ZC2HC1B: variants seen among roughly 807,000 people sequenced by gnomAD.
ZC2HC1B encodes zinc finger C2HC domain-containing protein 1B.
In ZC2HC1B, 36 loss-of-function variants were observed where a neutral mutation model predicts 31.0. That is an observed-to-expected ratio of 1.16 (90% CI 0.89 to 1.54). The LOEUF is 1.54. ZC2HC1B is among the 40% of genes most tolerant of loss of function. The pLI, the probability that ZC2HC1B is intolerant of heterozygous loss-of-function variation, is 0.00. For missense variants in ZC2HC1B, 260 were observed against 268.6 expected (o/e 0.97, Z 0.22); for synonymous variants, 73 against 88.0 (o/e 0.83, Z 0.95).
At chr6:143,909,980 G>A (rs1271076429) in intron 6 of ZC2HC1B, among the ~76,000 whole-genome samples, 1 of 151,982 alleles carries the variant, frequency 6.6e-6, no homozygotes, top group Non-Finnish European at 1.5e-5. Flanking sequence ...TCTTGGTTCT[G>A]TAGCTCTTTT....
chr6:143,901,248 T>TC, intron 5 of ZC2HC1B, among the ~76,000 whole-genome samples: 1 of 138,584 alleles, frequency 7.2e-6, no homozygotes, highest in East Asian at 2.1e-4. Flanking sequence ...CTTTCTTTCT[T>TC]CCTTTTTTTT....
chr6:143,877,309 T>C (rs1777420429), intron 1 of ZC2HC1B, among the ~76,000 whole-genome samples: 1 of 113,610 alleles, frequency 8.8e-6, no homozygotes, highest in Admixed American at 9.2e-5. Context: ...TGAGACAGAG[T>C]TTTGCTCTTT....
intron 7 of ZC2HC1B, 148 bp from the exon 8 acceptor site, chr6:143,937,994 A>G (rs1440441042): frequency 3.7e-6 from 1 of 269,214 alleles, no homozygotes; most frequent in Non-Finnish European, 7.0e-6. Context: ...CCCTTTTTCT[A>G]AGCACCTTAC....
At position 143,917,318 on chromosome 6, in the gene ZC2HC1B, G is replaced by A. The variant is rs1016665912; in HGVS notation, c.598+14166G>A. On this transcript the variant is annotated intron_variant, in intron 6 of 7. Transcript: ENST00000237275. The surrounding 1 kb of genome is among the most constrained non-coding windows in gnomAD (Gnocchi z 4.1). Reference sequence around the variant, plus strand: ...TTGTAAATTGCCCAGTCTTGGATATGTCTTTATCAGCAGCATGAAAACAGA... The same window carrying A: ...TTGTAAATTGCCCAGTCTTGGATATATCTTTATCAGCAGCATGAAAACAGA... Among the ~76,000 whole-genome samples, 10 of 152,164 alleles carry A rather than the reference G, an allele frequency of 6.6e-5. No individual in the cohort carries two copies. Among genetic ancestry groups the A allele is most frequent in the African/African-American group, 2.4e-4 (10 of 41,448 alleles).
In ZC2HC1B at chr6:143,871,336, A is replaced by G. The variant is rs1487193185; in HGVS notation, c.28+6769A>G. Among the ~76,000 whole-genome samples the G allele has an allele frequency of 6.6e-6, 1 of 152,218 alleles. No homozygotes were observed. Among genetic ancestry groups the G allele is most frequent in the African/African-American group, 2.4e-5 (1 of 41,452 alleles). ...CTGAATAAGATTATGACACAAAGCC[A>G]AACAGTTAATATACCTCTGAGGTAG... On this transcript the variant is annotated intron_variant, in intron 1 of 7. Transcript: ENST00000237275. The surrounding 1 kb of genome is among the most constrained non-coding windows in gnomAD (Gnocchi z 4.1).
At chr6:143,931,326 G>A (rs1778115929) in intron 6 of ZC2HC1B, among the ~76,000 whole-genome samples, 1 of 152,044 alleles carries the variant, frequency 6.6e-6, no homozygotes, top group African/African-American at 2.4e-5. Context: ...TGAGATGTCA[G>A]GTACTGTTTT....
At position 143,934,499 on chromosome 6, in the gene ZC2HC1B, G is replaced by A. The variant is rs933402762; in HGVS notation, c.599-3150G>A. The stretch of plus-strand genomic sequence containing the variant: ...TGGAGAATTGTATTCCTTTGGAGGA[G>A]TCATATTTTCTTGCATTTTTATGTT... On this transcript the variant is annotated intron_variant, in intron 6 of 7. Transcript: ENST00000237275. The surrounding 1 kb of genome is among the most constrained non-coding windows in gnomAD (Gnocchi z 4.6). Among the ~76,000 whole-genome samples, 4 of 152,160 alleles carry A rather than the reference G, an allele frequency of 2.6e-5. No homozygotes were observed. The highest frequency in any genetic ancestry group is 4.8e-5 in the African/African-American group (2 of 41,428).
chr6:143,889,058 GA>G (rs1777565881), intron 4 of ZC2HC1B, among the ~76,000 whole-genome samples: 1 of 151,964 alleles, frequency 6.6e-6, no homozygotes, highest in African/African-American at 2.4e-5. Flanking sequence ...ACATGGAAGT[GA>G]AATGTATGAA....
rs142116391 is a variant in ZC2HC1B, at chr6:143,868,423, G to A, written c.28+3856G>A. Among the ~76,000 whole-genome samples, 20 of 152,208 alleles carry A rather than the reference G, an allele frequency of 1.3e-4. No individual in the cohort carries two copies. In the East Asian group the frequency reaches 3.9e-3, roughly 29 times the overall value. ...AGGGCAGGAAGCATCCAGCACAGGA[G>A]AAAGATGTAGGCTGGGAGGCTAGGC... is the stretch of plus-strand genomic sequence containing the variant. On this transcript the variant is annotated intron_variant, in intron 1 of 7. Transcript: ENST00000237275. The surrounding 1 kb of genome is among the most constrained non-coding windows in gnomAD (Gnocchi z 4.2).
rs1777879786 is a variant in ZC2HC1B, at chr6:143,913,119, C to T, written c.598+9967C>T. Among the ~76,000 whole-genome samples the T allele has an allele frequency of 6.6e-6, 1 of 152,244 alleles. No individual in the cohort carries two copies. The highest frequency in any genetic ancestry group is 2.4e-5 in the African/African-American group (1 of 41,466). Reference sequence around the variant, plus strand: ...CAGAACAGCTAAGTCATCCAACCAACCCAGGTGACAGCCCTCCCCTCCTCT... The same window carrying T: ...CAGAACAGCTAAGTCATCCAACCAATCCAGGTGACAGCCCTCCCCTCCTCT... On this transcript the variant is annotated intron_variant, in intron 6 of 7. Coordinates refer to ENST00000237275, the MANE Select transcript of ZC2HC1B (RefSeq NM_001013623.3). The surrounding 1 kb of genome is among the most constrained non-coding windows in gnomAD (Gnocchi z 5.7).
At chr6:143,904,076 A>C (rs918097464) in intron 6 of ZC2HC1B, among the ~76,000 whole-genome samples, 1 of 152,200 alleles carries the variant, frequency 6.6e-6, no homozygotes, top group African/African-American at 2.4e-5. Flanking sequence ...TAATTTGCAT[A>C]TCTCTAATGA....
In ZC2HC1B at chr6:143,887,054, C is replaced by G. The variant is rs920495361; in HGVS notation, c.349+233C>G. On this transcript the variant is annotated intron_variant, in intron 4 of 7. Transcript: ENST00000237275. The surrounding 1 kb of genome is among the most constrained non-coding windows in gnomAD (Gnocchi z 5.1). ...GCTGTGCTGTAGTATTACATGACTCCAAGAAACACCAGACACCTCTTAGCC... is the reference window on the plus strand; with the variant it reads ...GCTGTGCTGTAGTATTACATGACTCGAAGAAACACCAGACACCTCTTAGCC... Among the ~76,000 whole-genome samples, 2 of 152,102 alleles carry G rather than the reference C, an allele frequency of 1.3e-5. No homozygotes were observed. Among genetic ancestry groups the G allele is most frequent in the Non-Finnish European group, 2.9e-5 (2 of 68,028 alleles).
chr6:143,915,237 A>G lies in ZC2HC1B; in HGVS notation c.598+12085A>G, dbSNP rs1312784902. On this transcript the variant is annotated intron_variant, in intron 6 of 7. Coordinates refer to ENST00000237275, the MANE Select transcript of ZC2HC1B (RefSeq NM_001013623.3). The surrounding 1 kb of genome is among the most constrained non-coding windows in gnomAD (Gnocchi z 5.2). ...AAGTCTCACGAGATCTGATGGTTTT[A>G]AAAAGAGGAGTTCCCCTGCACAATC... Among the ~76,000 whole-genome samples, 1 of 152,136 alleles carries G rather than the reference A, an allele frequency of 6.6e-6. No homozygotes were observed. The highest frequency in any genetic ancestry group is 1.5e-5 in the Non-Finnish European group (1 of 68,020).
rs760273947 is a variant in ZC2HC1B, at chr6:143,869,414, A to G, written c.28+4847A>G. On this transcript the variant is annotated intron_variant, in intron 1 of 7. Coordinates refer to ENST00000237275, the MANE Select transcript of ZC2HC1B (RefSeq NM_001013623.3). This position sits in a 1 kb window ranked among gnomAD's most constrained non-coding sequence, Gnocchi z 5.2. ...ATCCAACTGCTTCAGGATGATGAAG[A>G]ACATGGTGAGACCAGTGAATTCCAT... is the stretch of plus-strand genomic sequence containing the variant. Among the ~76,000 whole-genome samples the G allele has an allele frequency of 7.9e-5, 12 of 152,248 alleles. No individual in the cohort carries two copies. The highest frequency in any genetic ancestry group is 1.6e-4 in the Non-Finnish European group (11 of 68,046).
chr6:143,914,509 T>C (rs993385366), intron 6 of ZC2HC1B, among the ~76,000 whole-genome samples: 7 of 152,334 alleles, frequency 4.6e-5, no homozygotes, highest in African/African-American at 1.7e-4. Flanking sequence ...TTCTGGAAAA[T>C]GTTGCATGTG....
intron 6 of ZC2HC1B, among the ~76,000 whole-genome samples, chr6:143,904,235 T>C (rs1438635735): frequency 1.3e-5 from 2 of 152,240 alleles, no homozygotes; most frequent in Non-Finnish European, 2.9e-5. Flanking sequence ...TTGGTTGTTT[T>C]TGTTGTTGAC....
At position 143,872,075 on chromosome 6, in the gene ZC2HC1B, A is replaced by G. The variant is rs986008865; in HGVS notation, c.28+7508A>G. Among the ~76,000 whole-genome samples the G allele has an allele frequency of 6.6e-6, 1 of 152,162 alleles. No homozygotes were observed. Among genetic ancestry groups the G allele is most frequent in the East Asian group, 1.9e-4 (1 of 5,198 alleles). Reference sequence around the variant, plus strand: ...TGTCTGATCATTTCCTTTTTCCCCAATGCATAGTTACCCTGGTACAAGGCC... The same window carrying G: ...TGTCTGATCATTTCCTTTTTCCCCAGTGCATAGTTACCCTGGTACAAGGCC... On this transcript the variant is annotated intron_variant, in intron 1 of 7. Transcript: ENST00000237275. This position sits in a 1 kb window ranked among gnomAD's most constrained non-coding sequence, Gnocchi z 5.5.
chr6:143,935,398 C>G (rs1582981624), intron 6 of ZC2HC1B, among the ~76,000 whole-genome samples: 1 of 152,022 alleles, frequency 6.6e-6, no homozygotes, highest in Admixed American at 6.6e-5. Context: ...GCTGCTCAAT[C>G]TCCAGGCTCC....
intron 6 of ZC2HC1B, among the ~76,000 whole-genome samples, chr6:143,926,956 G>A (rs1204046002): frequency 8.6e-5 from 11 of 128,638 alleles, no homozygotes; most frequent in Admixed American, 1.6e-4. Context: ...GACTACAGGC[G>A]CCCGGCTAAT....
Sources: gnomAD v4.1 joint callset for allele counts (sites outside exome capture counted in the v4.1 genomes callset) on GRCh38, gnomAD v4.1.1 for gene constraint, Gnocchi (gnomAD v3.1) non-coding constraint, MANE v1.5 for transcripts, NCBI Gene and HGNC (gene_info 2026-07-23, HGNC 2026-07-21) for gene names.